The following L3MBTL4 variants were observed in gnomAD, a reference collection of about 807,000 sequenced individuals.
L3MBTL4 encodes lethal(3)malignant brain tumor-like protein 4.
In L3MBTL4, 70 loss-of-function variants were observed where a neutral mutation model predicts 84.5. That is an observed-to-expected ratio of 0.83 (90% CI 0.68 to 1.01). L3MBTL4 has a LOEUF of 1.01. Among genes scored for constraint, L3MBTL4 ranks in the 50% least tolerant of loss-of-function variants. L3MBTL4 has a pLI of 0.00. For missense variants in L3MBTL4, 715 were observed against 754.8 expected, an observed-to-expected ratio of 0.95 and a Z score of 0.62; for synonymous variants, 274 against 259.8, an observed-to-expected ratio of 1.05 and a Z score of -0.52.
chr18:6,295,011 C>T (rs1198255207), intron 4 of L3MBTL4, among the ~76,000 whole-genome samples: 1 of 152,062 alleles, frequency 6.6e-6, no homozygotes, highest in Non-Finnish European at 1.5e-5. Context: ...CGGTGGTTCA[C>T]GCTTGTAATC....
chr18:6,146,990 C>G (rs996165143), intron 13 of L3MBTL4, among the ~76,000 whole-genome samples: 2 of 151,866 alleles, frequency 1.3e-5, no homozygotes, highest in South Asian at 4.2e-4. Flanking sequence ...TTTATGTTCT[C>G]GGTGAAACAG....
At chr18:6,313,470 T>A (rs746572579) in intron 1 of L3MBTL4, among the ~76,000 whole-genome samples, 1 of 152,266 alleles carries the variant, frequency 6.6e-6, no homozygotes, top group South Asian at 2.1e-4. Flanking sequence ...GATATTTATG[T>A]CCTTAAGACA....
At chr18:6,370,961 T>G (rs1293029889) in intron 1 of L3MBTL4, among the ~76,000 whole-genome samples, 2 of 152,190 alleles carry the variant, frequency 1.3e-5, no homozygotes, top group Non-Finnish European at 2.9e-5. Flanking sequence ...CAGAGCATTG[T>G]GGGGAATGCA....
chr18:6,281,414 T>C (rs1422150653), intron 4 of L3MBTL4, among the ~76,000 whole-genome samples: 4 of 152,236 alleles, frequency 2.6e-5, no homozygotes, highest in Non-Finnish European at 5.9e-5. Context: ...ATGGTGTTAA[T>C]TCTCCAAAAT....
intron 15 of L3MBTL4, among the ~76,000 whole-genome samples, chr18:6,085,266 C>T (rs528013787): frequency 8.8e-4 from 57 of 64,530 alleles, no homozygotes; most frequent in African/African-American, 2.4e-3. Flanking sequence ...TGAATGAGTT[C>T]GGTATGCCTA....
chr18:6,382,680 T>G (rs1022165932), intron 1 of L3MBTL4, among the ~76,000 whole-genome samples: 1 of 152,234 alleles, frequency 6.6e-6, no homozygotes, highest in African/African-American at 2.4e-5. Flanking sequence ...GTTTTTCCTC[T>G]GGAAGCTTTA....
chr18:6,351,091 G>A lies in L3MBTL4; in HGVS notation c.-90-39035C>T, dbSNP rs188906712. ...CGCACCTGTAATCCCAGCTACTCAAGAGGCTGAGGCAGAAGAATCACTTGA... is the reference window on the plus strand; with the variant it reads ...CGCACCTGTAATCCCAGCTACTCAAAAGGCTGAGGCAGAAGAATCACTTGA... On this transcript the variant is annotated intron_variant, in intron 1 of 18. Transcript: ENST00000317931. 3.8e-4 allele frequency among the ~76,000 whole-genome samples: 58 copies of A among 152,224 alleles called. No homozygotes were observed. The East Asian group carries it at 8.1e-3, about 21-fold the overall frequency.
rs142744812 is a variant in L3MBTL4, at chr18:6,226,642, A to G, written c.785-10807T>C. 5.3e-5 allele frequency among the ~76,000 whole-genome samples: 8 copies of G among 152,324 alleles called. No homozygotes were observed. In the East Asian group the frequency reaches 1.3e-3, roughly 26 times the overall value. ...AAACTGTTGTACTATGGGAACAGCT[A>G]TACTATTTCTCACACTGTGGGAAAA... On this transcript the variant is annotated intron_variant, in intron 10 of 18. Coordinates refer to ENST00000317931, the MANE Select transcript of L3MBTL4 (RefSeq NM_001330559.2).
chr18:6,198,207 C>T (rs2045492565), intron 12 of L3MBTL4, among the ~76,000 whole-genome samples: 1 of 152,134 alleles, frequency 6.6e-6, no homozygotes, highest in South Asian at 2.1e-4. Context: ...AATCCCTGCA[C>T]CAAGCTTATC....
chr18:6,252,293 ACAGAG>A (rs2047956744), intron 5 of L3MBTL4, among the ~76,000 whole-genome samples: 1 of 152,180 alleles, frequency 6.6e-6, no homozygotes, highest in Non-Finnish European at 1.5e-5. Context: ...AGCCTCGGTG[ACAGAG>A]CAAGACTCTG....
At chr18:6,368,826 G>A (rs1287526188) in intron 1 of L3MBTL4, among the ~76,000 whole-genome samples, 25 of 152,130 alleles carry the variant, frequency 1.6e-4, no homozygotes, top group Non-Finnish European at 8.8e-5. Flanking sequence ...CAGATCACTT[G>A]AGGTCAGGAG....
chr18:6,064,499 G>A (rs957876587), intron 16 of L3MBTL4, among the ~76,000 whole-genome samples: 1 of 151,662 alleles, frequency 6.6e-6, no homozygotes, highest in Non-Finnish European at 1.5e-5. Context: ...AGCATGGGAT[G>A]TGTTTCCACA....
intron 16 of L3MBTL4, among the ~76,000 whole-genome samples, chr18:5,987,198 T>G (rs1377807117): frequency 6.6e-6 from 1 of 152,232 alleles, no homozygotes; most frequent in East Asian, 1.9e-4. Flanking sequence ...TTTTGTTCCC[T>G]TCTTTTGTCT....
Position 6,093,366 on chromosome 18 carries a change from G to A in L3MBTL4, c.1362C>T (p.Asn454=). 2.5e-6 allele frequency: 4 copies of A among 1,609,250 alleles called. No homozygotes were observed. The highest frequency in any genetic ancestry group is 3.4e-6 in the Non-Finnish European group (4 of 1,178,742). ...LNFNGKHEKV[N]SQPRLVQQAK... Reference sequence around the variant, plus strand: ...AAGAAGTTTCTTACCTGGGCTGACTGTTCACCTTTTCATGTTTTCCATTGA... The same window carrying A: ...AAGAAGTTTCTTACCTGGGCTGACTATTCACCTTTTCATGTTTTCCATTGA... The change falls in exon 15 of 19, where the codon AAC becomes AAT. Residue 454 remains asparagine, a synonymous_variant. Coordinates refer to ENST00000317931, the MANE Select transcript of L3MBTL4 (RefSeq NM_001330559.2).
chr18:6,055,571 C>T (rs2056992577), intron 16 of L3MBTL4, among the ~76,000 whole-genome samples: 1 of 152,126 alleles, frequency 6.6e-6, no homozygotes, highest in Admixed American at 6.5e-5. Context: ...TATATTAAGG[C>T]TAAATAGAAA....
At position 6,152,458 on chromosome 18, in the gene L3MBTL4, T is replaced by C. The variant is rs2042937950; in HGVS notation, c.1097-14162A>G. ...GGTGTTAGGTGATATCTCACTGTAGTTTTGATTTGCATTTCTCTGACAATT... is the reference window on the plus strand; with the variant it reads ...GGTGTTAGGTGATATCTCACTGTAGCTTTGATTTGCATTTCTCTGACAATT... On this transcript the variant is annotated intron_variant, in intron 13 of 18. Transcript: ENST00000317931. Among the ~76,000 whole-genome samples, 2 of 152,238 alleles carry C rather than the reference T, an allele frequency of 1.3e-5. 1 individual carries two copies. The highest frequency in any genetic ancestry group is 4.1e-4 in the South Asian group (2 of 4,834).
At chr18:6,412,625 C>T (rs556116707) in intron 1 of L3MBTL4, among the ~76,000 whole-genome samples, 6 of 152,076 alleles carry the variant, frequency 3.9e-5, no homozygotes, top group Non-Finnish European at 5.9e-5. Flanking sequence ...CCTGATCTCC[C>T]TCACTGTTGC....
At chr18:6,195,887 G>A (rs573619375) in intron 12 of L3MBTL4, among the ~76,000 whole-genome samples, 2 of 152,156 alleles carry the variant, frequency 1.3e-5, no homozygotes, top group East Asian at 3.9e-4. Context: ...ATATTTTGGT[G>A]GACACTTGAG....
At chr18:6,266,821 G>T (rs2048655864) in intron 4 of L3MBTL4, among the ~76,000 whole-genome samples, 1 of 152,148 alleles carries the variant, frequency 6.6e-6, no homozygotes, top group Admixed American at 6.5e-5. Flanking sequence ...TACTTGGGAG[G>T]CTGAGGCAGG....
Sources: gnomAD v4.1 joint callset for allele counts (sites outside exome capture counted in the v4.1 genomes callset) on GRCh38, gnomAD v4.1.1 for gene constraint, MANE v1.5 for transcripts, NCBI Gene and HGNC (gene_info 2026-07-23, HGNC 2026-07-21) for gene names.